The following CSMD1 variants were observed in gnomAD, a reference collection of about 807,000 sequenced individuals.
CSMD1 encodes CUB and Sushi multiple domains 1.
Under a neutral mutation model 417.5 loss-of-function variants are expected in CSMD1, and 213 were observed. That is an observed-to-expected ratio of 0.51 (90% CI 0.46 to 0.57). The LOEUF is 0.57. CSMD1 is among the 20% of genes least tolerant of loss of function. The probability of loss-of-function intolerance (pLI) is 0.00; values close to 1 mark genes in which losing one functional copy is unlikely to be tolerated. For missense variants in CSMD1, 6,923 were observed against 4,529.7 expected (o/e 1.53, Z -15.17); for synonymous variants, 2,862 against 1,736.8 (o/e 1.65, Z -16.11).
intron 2 of CSMD1, among the ~76,000 whole-genome samples, chr8:4,634,352 G>A (rs186007133): frequency 3.3e-5 from 5 of 151,968 alleles, no homozygotes; most frequent in Non-Finnish European, 4.4e-5. Flanking sequence ...TGTCAGCTGG[G>A]GATTAAATCT....
At chr8:4,385,021 G>A (rs563515468) in intron 3 of CSMD1, among the ~76,000 whole-genome samples, 1 of 152,228 alleles carries the variant, frequency 6.6e-6, no homozygotes, top group East Asian at 1.9e-4. Flanking sequence ...CCGTCCCCCT[G>A]GTTCAAGGGA....
At chr8:4,119,965 T>C (rs1413975641) in intron 3 of CSMD1, among the ~76,000 whole-genome samples, 3 of 152,218 alleles carry the variant, frequency 2.0e-5, no homozygotes, top group East Asian at 1.9e-4. Flanking sequence ...AAAATTAGTT[T>C]AAAAGAATGA....
At chr8:3,596,602 C>T (rs1229752919) in intron 8 of CSMD1, among the ~76,000 whole-genome samples, 1 of 151,908 alleles carries the variant, frequency 6.6e-6, no homozygotes, top group African/African-American at 2.4e-5. Context: ...TATTTCCTCC[C>T]GGGCTTATAT....
intron 7 of CSMD1, among the ~76,000 whole-genome samples, chr8:3,627,457 G>A (rs1796550450): frequency 6.6e-6 from 1 of 152,114 alleles, no homozygotes; most frequent in Non-Finnish European, 1.5e-5. Flanking sequence ...AGAAGACTAT[G>A]TAGGTTATTT....
intron 10 of CSMD1, among the ~76,000 whole-genome samples, chr8:3,494,229 G>C (rs1796265516): frequency 1.3e-5 from 2 of 151,998 alleles, no homozygotes; most frequent in African/African-American, 4.8e-5. Context: ...TGCAAAGCCT[G>C]TAAGTTTTTT....
rs1400798215 is a variant in CSMD1 at position 3,162,290 on chromosome 8, A to C, written c.5726-13T>G. 6.6e-7 allele frequency: 1 copy of C among 1,507,044 alleles called. No homozygotes were observed. The highest frequency in any genetic ancestry group is 2.3e-5 in the East Asian group (1 of 43,738). The allele number at this position is 1,507,044 out of a possible 1,614,324, so 93.4% of individuals were successfully genotyped here. A position where few individuals can be genotyped will look rare whatever the true frequency, so the allele number is the denominator to read the frequency against. ...GCAAGACCTACAGCTAGAAATGCAAAGACAAATGCTAGAAATTATATGATG... is the reference window on the plus strand; with the variant it reads ...GCAAGACCTACAGCTAGAAATGCAACGACAAATGCTAGAAATTATATGATG... On this transcript the variant is annotated splice_polypyrimidine_tract_variant and intron_variant, in intron 37 of 69. Transcript: ENST00000635120.
chr8:3,664,686 A>C (rs1334288012), intron 7 of CSMD1, among the ~76,000 whole-genome samples: 1 of 152,254 alleles, frequency 6.6e-6, no homozygotes, highest in African/African-American at 2.4e-5. Flanking sequence ...AAGAAGCTGA[A>C]AAGAGCTGGC....
intron 5 of CSMD1, among the ~76,000 whole-genome samples, chr8:3,877,986 A>C (rs1198454719): frequency 6.6e-6 from 1 of 152,092 alleles, no homozygotes; most frequent in African/African-American, 2.4e-5. Context: ...TTAAACTTAA[A>C]CTGAATGTAA....
intron 5 of CSMD1, among the ~76,000 whole-genome samples, chr8:3,798,111 TA>T (rs1292045881): frequency 3.9e-5 from 6 of 152,010 alleles, no homozygotes; most frequent in Non-Finnish European, 7.4e-5. Flanking sequence ...TTTTATTATT[TA>T]TTTAGAGGAA....
intron 7 of CSMD1, among the ~76,000 whole-genome samples, chr8:3,695,625 G>C (rs573227370): frequency 1.3e-5 from 2 of 152,196 alleles, no homozygotes; most frequent in Admixed American, 1.3e-4. Context: ...TTTCACAAAA[G>C]CATCCAGAAA....
intron 39 of CSMD1, among the ~76,000 whole-genome samples, chr8:3,154,092 G>A (rs752904863): frequency 3.9e-5 from 6 of 152,086 alleles, no homozygotes; most frequent in Admixed American, 2.6e-4. Flanking sequence ...TCAGCCTCCC[G>A]AGTAGCTGGG....
chr8:3,364,333 G>T (rs764380750), intron 20 of CSMD1, among the ~76,000 whole-genome samples: 1 of 152,104 alleles, frequency 6.6e-6, no homozygotes, highest in Non-Finnish European at 1.5e-5. Context: ...CTTTCTGCTT[G>T]TGTGCAACTG....
chr8:4,500,483 G>A (rs950565053), intron 2 of CSMD1, among the ~76,000 whole-genome samples: 9 of 152,224 alleles, frequency 5.9e-5, no homozygotes, highest in East Asian at 1.9e-4. Context: ...AAGAGAATAC[G>A]GAGTATGACT....
chr8:3,438,433 A>G (rs1585164903), intron 12 of CSMD1, among the ~76,000 whole-genome samples: 1 of 151,790 alleles, frequency 6.6e-6, no homozygotes, highest in African/African-American at 2.4e-5. Flanking sequence ...GCCCATCAAC[A>G]CCTCCCTCCT....
rs559167714 is a variant in CSMD1, at chr8:3,784,499, T to C, written c.819-30457A>G. Among the ~76,000 whole-genome samples the C allele has an allele frequency of 3.3e-5, 5 of 152,320 alleles. No homozygotes were observed. In the East Asian group the frequency reaches 9.6e-4, roughly 29 times the overall value. ...AACTTCTAGGGATGGGCACTTATTT[T>C]TGGACTTGCTAGAATCCTCAATTTC... On this transcript the variant is annotated intron_variant, in intron 5 of 69. Coordinates refer to ENST00000635120, the MANE Select transcript of CSMD1 (RefSeq NM_033225.6).
chr8:4,216,088 C>G (rs995529848), intron 3 of CSMD1, among the ~76,000 whole-genome samples: 19 of 152,200 alleles, frequency 1.2e-4, no homozygotes, highest in Admixed American at 5.9e-4. Context: ...TATGCTATTT[C>G]TTGGCATGCA....
intron 26 of CSMD1, among the ~76,000 whole-genome samples, chr8:3,263,221 C>T (rs1801206281): frequency 1.3e-5 from 2 of 152,186 alleles, no homozygotes; most frequent in South Asian, 4.1e-4. Flanking sequence ...GCCTCAGCCT[C>T]CCGAGTACCT....
At chr8:4,255,608 C>T (rs1803400201) in intron 3 of CSMD1, among the ~76,000 whole-genome samples, 1 of 152,124 alleles carries the variant, frequency 6.6e-6, no homozygotes, top group African/African-American at 2.4e-5. Context: ...GTTGATTATA[C>T]TTGATTTTTA....
chr8:3,901,035 A>C lies in CSMD1; in HGVS notation c.818+96868T>G, dbSNP rs1807715624. Among the ~76,000 whole-genome samples the C allele has an allele frequency of 2.0e-5, 3 of 152,210 alleles. No individual in the cohort carries two copies. In the South Asian group the frequency reaches 6.2e-4, roughly 31 times the overall value. On this transcript the variant is annotated intron_variant, in intron 5 of 69. Coordinates refer to ENST00000635120, the MANE Select transcript of CSMD1 (RefSeq NM_033225.6). ...TTATCATTATTGACATTACTTTGGT[A>C]ATAAGATGGCTTTTAATAACGATTT... is the stretch of plus-strand genomic sequence containing the variant.
Sources: allele counts gnomAD v4.1 joint callset (sites outside exome capture counted in the v4.1 genomes callset), GRCh38; gene constraint gnomAD v4.1.1; transcripts MANE v1.5; gene names NCBI Gene and HGNC (gene_info 2026-07-23, HGNC 2026-07-21).